CKAP2: variants seen among roughly 807,000 people sequenced by gnomAD.
CKAP2 encodes cytoskeleton associated protein 2.
CKAP2 carries 46 observed loss-of-function variants against 58.4 expected under a neutral mutation model. That is an observed-to-expected ratio of 0.79 (90% CI 0.62 to 1.01). The LOEUF (loss-of-function observed/expected upper bound fraction) is 1.01. Ranked by LOEUF, CKAP2 falls within the 50% of genes least tolerant of loss-of-function variation. The probability of loss-of-function intolerance (pLI) is 0.00; values close to 1 mark genes in which losing one functional copy is unlikely to be tolerated. For missense variants in CKAP2, 809 were observed against 796.4 expected, an observed-to-expected ratio of 1.02 and a Z score of -0.19; for synonymous variants, 293 against 280.9, an observed-to-expected ratio of 1.04 and a Z score of -0.43.
At chr13:52,459,507 G>A (rs1193340132) in intron 2 of CKAP2, among the ~76,000 whole-genome samples, 1 of 152,008 alleles carries the variant, frequency 6.6e-6, no homozygotes, top group Non-Finnish European at 1.5e-5. Flanking sequence ...GATTTTAGTA[G>A]AGACAGGGTT....
rs1958825952 is a variant in CKAP2, at chr13:52,476,139, C to A, written c.*998C>A. ...TTTGTAAGGTTCCAAACTAATATGG[C>A]ATATATCAACTCTACAGTTTCAAAT... On this transcript the variant is annotated 3_prime_UTR_variant, in exon 9 of 9. Coordinates refer to ENST00000258607, the MANE Select transcript of CKAP2 (RefSeq NM_018204.5). 6.6e-6 allele frequency: 1 copy of A among 152,146 alleles called. No homozygotes were observed. Among genetic ancestry groups the A allele is most frequent in the South Asian group, 2.1e-4 (1 of 4,822 alleles). The allele number at this position is 152,146 out of a possible 1,614,324, so 9.4% of individuals were successfully genotyped here.
chr13:52,461,457 A>G lies in CKAP2; in HGVS notation c.631A>G (p.Ile211Val), dbSNP rs979613692. 20 of 1,614,086 alleles carry G rather than the reference A, an allele frequency of 1.2e-5. No individual in the cohort carries two copies. The highest frequency in any genetic ancestry group is 3.3e-4 in the Middle Eastern group (2 of 6,084). The change falls in exon 4 of 9, where the codon ATA becomes GTA. Residue 211 changes from isoleucine (I) to valine (V), a missense_variant. Physicochemically the swap from Ile to Val is conservative, Grantham distance 29. Around this residue, in one of 3 missense-constraint regions of CKAP2, gnomAD observed 523 missense variants for 492.4 expected, o/e 1.06. Transcript: ENST00000258607. ...SAATKKLSAT[I>V]PKATKPQPVN... ...AGCAACAAAGAAACTTTCAGCCACT[A>G]TACCTAAAGCCACAAAACCTCAGCC...
At chr13:52,466,219 C>T (rs934618864) in intron 6 of CKAP2, among the ~76,000 whole-genome samples, 1 of 152,078 alleles carries the variant, frequency 6.6e-6, no homozygotes, top group African/African-American at 2.4e-5. Flanking sequence ...TAAATCATTT[C>T]TTGAGTTTTT....
rs1391544932 is a variant in CKAP2, at chr13:52,476,219, C to T, written c.*1078C>T. 6.6e-6 allele frequency: 1 copy of T among 152,142 alleles called. No homozygotes were observed. Among genetic ancestry groups the T allele is most frequent in the African/African-American group, 2.4e-5 (1 of 41,444 alleles). The allele number at this position is 152,142 out of a possible 1,614,324, so 9.4% of individuals were successfully genotyped here. On this transcript the variant is annotated 3_prime_UTR_variant, in exon 9 of 9. Coordinates refer to ENST00000258607, the MANE Select transcript of CKAP2 (RefSeq NM_018204.5). ...TGAAAAACTGTATGAATGTGAAGAT[C>T]ACATGCTTAGTCATTTTTATGTTCA...
intron 8 of CKAP2, 89 bp downstream of exon 8, chr13:52,474,173 A>T: frequency 7.9e-7 from 1 of 1,270,276 alleles, no homozygotes; most frequent in Non-Finnish European, 1.1e-6. Flanking sequence ...GCTTCAGATT[A>T]CAGCTACCAT....
chr13:52,465,804 A>C, intron 6 of CKAP2: 2 of 431,298 alleles, frequency 4.6e-6, no homozygotes, highest in Non-Finnish European at 9.1e-6. Flanking sequence ...TGTTTATTGA[A>C]TATAAAGCAA....
rs1158635073 is a variant in CKAP2 at position 52,476,336 on chromosome 13, A to G, written c.*1195A>G. ...TGTACCTGATATATATACAATTAAAATATCTGTGTAATTATGTTTTAATGA... is the reference window on the plus strand; with the variant it reads ...TGTACCTGATATATATACAATTAAAGTATCTGTGTAATTATGTTTTAATGA... On this transcript the variant is annotated 3_prime_UTR_variant, in exon 9 of 9. Transcript: ENST00000258607. 6.6e-6 allele frequency: 1 copy of G among 152,214 alleles called. No individual in the cohort carries two copies. The highest frequency in any genetic ancestry group is 1.5e-5 in the Non-Finnish European group (1 of 68,022). 9.4% of individuals were successfully genotyped at this position (152,214 alleles called of 1,614,324 possible).
Position 52,455,492 on chromosome 13 carries a change from C to T in CKAP2, c.-65C>T, listed in dbSNP as rs994028634. On this transcript the variant is annotated 5_prime_UTR_variant, in exon 1 of 9. Transcript: ENST00000258607. Reference sequence around the variant, plus strand: ...TTAGCCGCGGTGCAGACTGCGGCGGCGGTGGTCTGAGGAAGTTCTATCTTG... The same window carrying T: ...TTAGCCGCGGTGCAGACTGCGGCGGTGGTGGTCTGAGGAAGTTCTATCTTG... 6.3e-6 allele frequency: 10 copies of T among 1,588,708 alleles called. No homozygotes were observed. Among genetic ancestry groups the T allele is most frequent in the Non-Finnish European group, 8.6e-6 (10 of 1,158,342 alleles).
chr13:52,473,902 T>G lies in CKAP2; in HGVS notation c.1620T>G (p.Asp540Glu), dbSNP rs762219828. 4 of 1,613,960 alleles carry G rather than the reference T, an allele frequency of 2.5e-6. No homozygotes were observed. The East Asian group carries it at 8.9e-5, about 36-fold the overall frequency. ...TCAGTATTGAAGATACAGGTGTTGA[T>G]GTAGATCCAGAAAAACTGGAAATGG... is the stretch of plus-strand genomic sequence containing the variant. ...KEVSIEDTGV[D>E]VDPEKLEMES... Residue 540 changes from aspartate (D) to glutamate (E), a missense_variant, in exon 8 of 9, where the codon GAT (aspartate) becomes GAG (glutamate). By Grantham distance (45) the Asp-to-Glu change is conservative (BLOSUM62 2). Transcript: ENST00000258607.
chr13:52,470,376 A>T (rs143475454), intron 7 of CKAP2, among the ~76,000 whole-genome samples: 1,795 of 152,246 alleles, frequency 0.012, 41 homozygotes, highest in African/African-American at 0.041. Flanking sequence ...AAGTGCTGGG[A>T]TGACAGGTGT....
At chr13:52,466,381 C>A (rs74988943) in intron 6 of CKAP2, among the ~76,000 whole-genome samples, 1 of 152,172 alleles carries the variant, frequency 6.6e-6, no homozygotes, top group Non-Finnish European at 1.5e-5. Flanking sequence ...TTTGTCTCAA[C>A]AAAATCAACG....
chr13:52,456,615 C>A lies in CKAP2; in HGVS notation c.155+8C>A. 1 of 1,600,090 alleles carries A rather than the reference C, an allele frequency of 6.2e-7. No individual in the cohort carries two copies. Among genetic ancestry groups the A allele is most frequent in the South Asian group, 1.1e-5 (1 of 90,518 alleles). Reference sequence around the variant, plus strand: ...AAATGAGATGTTATCCAGGTAAGGTCAAGTTTATTTCTTTTCACTTCTGTA... The same window carrying A: ...AAATGAGATGTTATCCAGGTAAGGTAAAGTTTATTTCTTTTCACTTCTGTA... On this transcript the variant is annotated splice_region_variant and intron_variant, in intron 2 of 8. Coordinates refer to ENST00000258607, the MANE Select transcript of CKAP2 (RefSeq NM_018204.5).
Position 52,455,493 on chromosome 13 carries a change from G to T in CKAP2, c.-64G>T. ...TAGCCGCGGTGCAGACTGCGGCGGC[G>T]GTGGTCTGAGGAAGTTCTATCTTGG... On this transcript the variant is annotated 5_prime_UTR_variant, in exon 1 of 9. Transcript: ENST00000258607. 3.8e-6 allele frequency: 6 copies of T among 1,591,716 alleles called. No individual in the cohort carries two copies. Among genetic ancestry groups the T allele is most frequent in the Non-Finnish European group, 5.2e-6 (6 of 1,160,974 alleles).
chr13:52,473,665 T>TA lies in CKAP2; in HGVS notation c.1547-163dup, dbSNP rs1328666895. On this transcript the variant is annotated intron_variant, in intron 7 of 8. Transcript: ENST00000258607. ...TATTTCATTTTATAATAGTATTTGT[T>TA]ATATAGTTGGCAGCAGTATTTGCTG... 3.1e-5 allele frequency: 18 copies of TA among 571,524 alleles called. No homozygotes were observed. The African/African-American group carries it at 3.4e-4, about 11-fold the overall frequency. The allele number at this position is 571,524 out of a possible 1,614,324, so 35.4% of individuals were successfully genotyped here. A position where few individuals can be genotyped will look rare whatever the true frequency, so the allele number is the denominator to read the frequency against.
intron 7 of CKAP2, among the ~76,000 whole-genome samples, chr13:52,472,789 A>G (rs891512976): frequency 3.3e-5 from 5 of 152,232 alleles, no homozygotes; most frequent in Admixed American, 6.5e-5. Context: ...GCTCACGCCT[A>G]TAATCCCAAC....
chr13:52,458,760 G>A (rs1209974268), intron 2 of CKAP2, among the ~76,000 whole-genome samples: 2 of 152,008 alleles, frequency 1.3e-5, no homozygotes, highest in Non-Finnish European at 2.9e-5. Context: ...GGAGGGCCGA[G>A]GCAGAAGAAT....
intron 2 of CKAP2, among the ~76,000 whole-genome samples, chr13:52,458,736 G>A (rs181210290): frequency 1.4e-4 from 21 of 152,004 alleles, no homozygotes; most frequent in Admixed American, 2.6e-4. Flanking sequence ...GGTGTCAGGC[G>A]CCTGTAATTC....
Position 52,461,604 on chromosome 13 carries a change from C to G in CKAP2, c.778C>G (p.His260Asp), listed in dbSNP as rs144431404. The part of the protein sequence containing the change: ...QLVRPPIRSH[H>D]SNTRDTVKQG... ...TGTGCGACCTCCTATTAGAAGTCAT[C>G]ACAGTAATACCCGGGACACTGTGAA... The change falls in exon 4 of 9, where the codon CAC becomes GAC. Residue 260 changes from histidine to aspartate, a missense_variant. His to Asp is a moderately conservative substitution (Grantham distance 81, BLOSUM62 -1). Coordinates refer to ENST00000258607, the MANE Select transcript of CKAP2 (RefSeq NM_018204.5). 1 of 1,614,024 alleles carries G rather than the reference C, an allele frequency of 6.2e-7. No individual in the cohort carries two copies. The highest frequency in any genetic ancestry group is 1.3e-5 in the African/African-American group (1 of 74,924).
At chr13:52,472,766 G>A (rs749255514) in intron 7 of CKAP2, among the ~76,000 whole-genome samples, 2 of 152,172 alleles carry the variant, frequency 1.3e-5, no homozygotes, top group African/African-American at 4.8e-5. Context: ...TTCTGACTTG[G>A]GTGGGTGTGG....
Sources: allele counts gnomAD v4.1 joint callset (sites outside exome capture counted in the v4.1 genomes callset), GRCh38; gene constraint gnomAD v4.1.1; regional missense constraint gnomAD v4.1.1; transcripts MANE v1.5; gene names NCBI Gene and HGNC (gene_info 2026-07-23, HGNC 2026-07-21).